The following COL21A1 variants were observed in gnomAD, a reference collection of about 807,000 sequenced individuals.
The protein encoded by COL21A1 is collagen alpha-1(XXI) chain.
Under a neutral mutation model 137.9 loss-of-function variants are expected in COL21A1, and 149 were observed. That is an observed-to-expected ratio of 1.08 (90% confidence interval 0.95 to 1.24). COL21A1 has a LOEUF of 1.24. Among genes scored for constraint, COL21A1 ranks in the 50% most tolerant of loss-of-function variants. The pLI, the probability that COL21A1 is intolerant of heterozygous loss-of-function variation, is 0.00. For missense variants in COL21A1, 1,167 were observed against 1,158.4 expected (o/e 1.01, Z -0.11); for synonymous variants, 456 against 391.5 (o/e 1.16, Z -1.95).
rs576118809 is a variant in COL21A1, at chr6:56,157,200, T to C, written c.1372-251A>G. Among the ~76,000 whole-genome samples, 3 of 152,138 alleles carry C rather than the reference T, an allele frequency of 2.0e-5. No homozygotes were observed. The South Asian group carries it at 6.2e-4, about 32-fold the overall frequency. On this transcript the variant is annotated intron_variant, in intron 9 of 29. Transcript: ENST00000244728. The stretch of plus-strand genomic sequence containing the variant: ...TAGCAAGTAAAGTATTTTCCACTGA[T>C]GCAAAATATGCACATTTATGGTAGG...
At chr6:56,325,088 A>C (rs1338242695) in intron 1 of COL21A1, among the ~76,000 whole-genome samples, 1 of 149,528 alleles carries the variant, frequency 6.7e-6, no homozygotes, top group Non-Finnish European at 1.5e-5. Flanking sequence ...GCCCAGCATA[A>C]TAATACTCAG....
chr6:56,112,880 C>T (rs1184147893), intron 16 of COL21A1, among the ~76,000 whole-genome samples: 2 of 151,984 alleles, frequency 1.3e-5, no homozygotes, highest in South Asian at 2.1e-4. Flanking sequence ...GATGGGGTTT[C>T]TCCATGTTGG....
chr6:56,263,912 T>C (rs763660356), intron 1 of COL21A1, among the ~76,000 whole-genome samples: 78 of 152,172 alleles, frequency 5.1e-4, no homozygotes, highest in Middle Eastern at 6.8e-3. Context: ...AAGAAAATCA[T>C]AGAAGAAAGA....
chr6:56,097,038 C>T (rs1251307281), intron 17 of COL21A1, among the ~76,000 whole-genome samples: 1 of 151,996 alleles, frequency 6.6e-6, no homozygotes, highest in African/African-American at 2.4e-5. Flanking sequence ...GCTTGTTACG[C>T]TATCTGTTCT....
chr6:56,387,110 A>C (rs917090737), intron 1 of COL21A1, among the ~76,000 whole-genome samples: 5 of 152,236 alleles, frequency 3.3e-5, no homozygotes, highest in African/African-American at 1.2e-4. Flanking sequence ...AAATGCTTCT[A>C]AGGATAAGCT....
chr6:56,322,901 A>AAAT (rs1764906021), intron 1 of COL21A1, among the ~76,000 whole-genome samples: 1 of 144,256 alleles, frequency 6.9e-6, no homozygotes, highest in Non-Finnish European at 1.5e-5. Context: ...AAAAAAAAAA[A>AAAT]GTCAAGTCAT....
chr6:56,066,905 T>A (rs983065891), intron 23 of COL21A1, among the ~76,000 whole-genome samples: 3 of 151,578 alleles, frequency 2.0e-5, no homozygotes, highest in Non-Finnish European at 4.4e-5. Flanking sequence ...AAAGGTTTTT[T>A]ATCAAACTTT....
chr6:56,136,576 T>C (rs1437045292), intron 12 of COL21A1, among the ~76,000 whole-genome samples: 1 of 152,146 alleles, frequency 6.6e-6, no homozygotes, highest in Non-Finnish European at 1.5e-5. Flanking sequence ...TTGATGAGCC[T>C]GTCCATCTTT....
At chr6:56,290,780 G>A (rs1482862472) in intron 1 of COL21A1, among the ~76,000 whole-genome samples, 4 of 152,060 alleles carry the variant, frequency 2.6e-5, no homozygotes, top group African/African-American at 9.7e-5. Context: ...GATTACAGGC[G>A]TGAGCCACCA....
At chr6:56,273,755 A>G (rs1053566990) in intron 1 of COL21A1, among the ~76,000 whole-genome samples, 14 of 152,214 alleles carry the variant, frequency 9.2e-5, no homozygotes, top group Non-Finnish European at 1.0e-4. Context: ...ATCCTGGCCC[A>G]GATAGATTCC....
chr6:56,269,219 T>C (rs986156631), intron 1 of COL21A1, among the ~76,000 whole-genome samples: 3 of 152,280 alleles, frequency 2.0e-5, no homozygotes, highest in Middle Eastern at 3.4e-3. Context: ...TCCCCTAATA[T>C]TGCTAGACAG....
intron 16 of COL21A1, among the ~76,000 whole-genome samples, chr6:56,106,027 G>A (rs1770852748): frequency 6.6e-6 from 1 of 152,132 alleles, no homozygotes; most frequent in Non-Finnish European, 1.5e-5. Flanking sequence ...TATGGCTACG[G>A]AGGAAAAATA....
At chr6:56,156,838 A>T (rs1228304741) in intron 10 of COL21A1, 49 bp downstream of exon 10, 1 of 1,454,394 alleles carries the variant, frequency 6.9e-7, no homozygotes, top group South Asian at 1.2e-5. Flanking sequence ...TTTTACTTTG[A>T]CACTGTAATC....
At chr6:56,104,154 T>C (rs1159129770) in intron 16 of COL21A1, among the ~76,000 whole-genome samples, 1 of 152,164 alleles carries the variant, frequency 6.6e-6, no homozygotes, top group Non-Finnish European at 1.5e-5. Flanking sequence ...AGGAGTTTTT[T>C]TAATCACCTA....
At chr6:56,367,037 T>C (rs1485821479) in intron 1 of COL21A1, among the ~76,000 whole-genome samples, 1 of 152,256 alleles carries the variant, frequency 6.6e-6, no homozygotes, top group Non-Finnish European at 1.5e-5. Flanking sequence ...TTTAAGACTA[T>C]GTAAGGTCTC....
rs1770047664 is a variant in COL21A1 at position 56,098,628 on chromosome 6, TATATATATAA to T, written c.1812+2834_1812+2843del. Among the ~76,000 whole-genome samples, 4 of 33,140 alleles carry T rather than the reference TATATATATAA, an allele frequency of 1.2e-4. 1 individual carries two copies. The highest frequency in any genetic ancestry group is 9.0e-4 in the South Asian group (1 of 1,110). The allele number at this position is 33,140 out of a possible 152,430, so 21.7% of individuals were successfully genotyped here. On this transcript the variant is annotated intron_variant, in intron 17 of 29. Transcript: ENST00000244728. ...ATAAATATATATAAATATATATAAA[TATATATATAA>T]ATATATATAAATATATAAATATATA...
chr6:56,082,150 G>A (rs975134950), intron 17 of COL21A1, among the ~76,000 whole-genome samples: 4 of 151,758 alleles, frequency 2.6e-5, no homozygotes, highest in Non-Finnish European at 5.9e-5. Flanking sequence ...TAACAAACCC[G>A]AAAACTCAGA....
At chr6:56,139,589 G>A (rs1355638536) in intron 12 of COL21A1, among the ~76,000 whole-genome samples, 2 of 152,120 alleles carry the variant, frequency 1.3e-5, no homozygotes, top group Non-Finnish European at 1.5e-5. Flanking sequence ...TTTTTGTTTG[G>A]TCTTCAGGAA....
Position 56,389,061 on chromosome 6 carries a change from A to G in COL21A1, c.-39+4910T>C, listed in dbSNP as rs141565614. 9.6e-3 allele frequency among the ~76,000 whole-genome samples: 1,463 copies of G among 152,298 alleles called. 17 individuals carry two copies. The highest frequency in any genetic ancestry group is 0.017 in the Non-Finnish European group (1,129 of 68,016). On this transcript the variant is annotated intron_variant, in intron 1 of 28. Coordinates refer to the COL21A1 transcript ENST00000370819. ...TAACTAATGAGCCTGAAGACAGACT[A>G]CATAAAAATATGCAAAGGAGGCTGG...
Sources: gnomAD v4.1 joint callset for allele counts (sites outside exome capture counted in the v4.1 genomes callset) on GRCh38, gnomAD v4.1.1 for gene constraint, MANE v1.5 for transcripts, NCBI Gene and HGNC (gene_info 2026-07-23, HGNC 2026-07-21) for gene names.